The following EVC2 variants were observed in gnomAD, a reference collection of about 807,000 sequenced individuals.
EVC2 encodes limbin.
EVC2 carries 148 observed loss-of-function variants against 149.3 expected under a neutral mutation model. The observed-to-expected ratio is 0.99, with a 90% CI of 0.87 to 1.14. The LOEUF is 1.14. Among genes scored for constraint, EVC2 ranks in the 50% most tolerant of loss-of-function variants. EVC2 has a pLI of 0.00. For missense variants in EVC2, 1,854 were observed against 1,627.3 expected (o/e 1.14, Z -2.40); for synonymous variants, 776 against 649.9 (o/e 1.19, Z -2.95).
chr4:5,640,487 A>C lies in EVC2; in HGVS notation c.1470+27T>G. 5 of 1,612,630 alleles carry C rather than the reference A, an allele frequency of 3.1e-6. No individual in the cohort carries two copies. The highest frequency in any genetic ancestry group is 4.2e-6 in the Non-Finnish European group (5 of 1,178,726). On this transcript the variant is annotated intron_variant, in intron 10 of 21. Coordinates refer to ENST00000344408, the MANE Select transcript of EVC2 (RefSeq NM_147127.5). This position sits in a 1 kb window ranked among gnomAD's most constrained non-coding sequence, Gnocchi z 4.6. ...CAAATCCCTGAGAGAAAGGGAAGTG[A>C]ACGCCTTCCTTTCAGACCTGTCTTA...
intron 10 of EVC2, among the ~76,000 whole-genome samples, chr4:5,639,550 C>T (rs1717160714): frequency 6.6e-6 from 1 of 152,228 alleles, no homozygotes; most frequent in Non-Finnish European, 1.5e-5. Flanking sequence ...TACATTGCTT[C>T]TCCCACCCAC....
chr4:5,617,419 C>A (rs1000438324), intron 15 of EVC2, among the ~76,000 whole-genome samples: 4 of 152,282 alleles, frequency 2.6e-5, no homozygotes, highest in African/African-American at 9.6e-5. Flanking sequence ...TTAAGAGAAG[C>A]CCCGATGTTT....
intron 6 of EVC2, among the ~76,000 whole-genome samples, chr4:5,682,537 C>G (rs547732597): frequency 6.7e-6 from 1 of 150,348 alleles, no homozygotes; most frequent in African/African-American, 2.4e-5. Context: ...AAAGCAATAG[C>G]AATAGTAGTA....
chr4:5,609,874 G>A (rs1489969131), intron 16 of EVC2, among the ~76,000 whole-genome samples: 1 of 152,192 alleles, frequency 6.6e-6, no homozygotes, highest in Admixed American at 6.5e-5. Context: ...AGGAACCTGG[G>A]CGAAGTCACT....
chr4:5,665,866 C>T lies in EVC2; in HGVS notation c.871-217G>A, dbSNP rs1282280026. ...AGTGCATGACAAGCCTGTCAAAGAC[C>T]TGAGGCATGGTGATTTGCACACAAT... is the stretch of plus-strand genomic sequence containing the variant. On this transcript the variant is annotated intron_variant, in intron 7 of 21. Coordinates refer to ENST00000344408, the MANE Select transcript of EVC2 (RefSeq NM_147127.5). Among the ~76,000 whole-genome samples the T allele has an allele frequency of 4.6e-5, 7 of 152,226 alleles. No homozygotes were observed. In the East Asian group the frequency reaches 1.4e-3, roughly 29 times the overall value.
At chr4:5,591,384 G>A (rs1390407267) in intron 16 of EVC2, among the ~76,000 whole-genome samples, 1 of 152,164 alleles carries the variant, frequency 6.6e-6, no homozygotes, top group Non-Finnish European at 1.5e-5. Flanking sequence ...TGCTTCAGCT[G>A]ACAGAAGTCT....
chr4:5,573,623 G>T (rs79689100), intron 19 of EVC2, among the ~76,000 whole-genome samples: 2 of 152,202 alleles, frequency 1.3e-5, no homozygotes, highest in Non-Finnish European at 2.9e-5. Flanking sequence ...TGGAGAAACC[G>T]ATGTTGGATT....
Position 5,696,481 on chromosome 4 carries a change from CG to C in EVC2, c.283+1111del, listed in dbSNP as rs1204446889. On this transcript the variant is annotated intron_variant, in intron 2 of 21. Transcript: ENST00000344408. The surrounding 1 kb of genome is among the most constrained non-coding windows in gnomAD (Gnocchi z 4.1). The stretch of plus-strand genomic sequence containing the variant: ...CCCAGGGATAGGTTCAGGGACAGGC[CG>C]GGGACCCACGCTGAGCCCAGGGGCC... Among the ~76,000 whole-genome samples the C allele has an allele frequency of 6.6e-6, 1 of 152,156 alleles. No homozygotes were observed. The highest frequency in any genetic ancestry group is 1.5e-5 in the Non-Finnish European group (1 of 68,026).
At chr4:5,673,781 T>C (rs1234282982) in intron 7 of EVC2, among the ~76,000 whole-genome samples, 1 of 152,256 alleles carries the variant, frequency 6.6e-6, no homozygotes, top group Admixed American at 6.5e-5. Flanking sequence ...AAGAATTGTT[T>C]ACAGAGTTTG....
chr4:5,687,686 T>C (rs1720818930), intron 5 of EVC2, among the ~76,000 whole-genome samples: 1 of 152,114 alleles, frequency 6.6e-6, no homozygotes, highest in African/African-American at 2.4e-5. Context: ...GGTGCTTTCC[T>C]GACCCACACA....
At chr4:5,701,654 T>C (rs555717540) in intron 1 of EVC2, among the ~76,000 whole-genome samples, 2 of 152,308 alleles carry the variant, frequency 1.3e-5, no homozygotes, top group Middle Eastern at 6.8e-3. Flanking sequence ...ATACACTGAC[T>C]ATTCCCCCAT....
rs1470010006 is a variant in EVC2, at chr4:5,637,281, G to T, written c.1470+3233C>A. Reference sequence around the variant, plus strand: ...GGTTCACATGGGGCGCACAGCAGGGGGACGTAACCTCCACTGCAGGAGGGG... The same window carrying T: ...GGTTCACATGGGGCGCACAGCAGGGTGACGTAACCTCCACTGCAGGAGGGG... On this transcript the variant is annotated intron_variant, in intron 10 of 21. Coordinates refer to ENST00000344408, the MANE Select transcript of EVC2 (RefSeq NM_147127.5). This position sits in a 1 kb window ranked among gnomAD's most constrained non-coding sequence, Gnocchi z 4.4. Among the ~76,000 whole-genome samples, 4 of 152,210 alleles carry T rather than the reference G, an allele frequency of 2.6e-5. No individual in the cohort carries two copies. The highest frequency in any genetic ancestry group is 2.6e-4 in the Admixed American group (4 of 15,282).
Position 5,581,957 on chromosome 4 carries a change from A to G in EVC2, c.3057+2666T>C, listed in dbSNP as rs188715076. 9.7e-3 allele frequency among the ~76,000 whole-genome samples: 1,480 copies of G among 152,326 alleles called. 13 individuals are homozygous for G. The highest frequency in any genetic ancestry group is 0.043 in the South Asian group (205 of 4,822). On this transcript the variant is annotated intron_variant, in intron 17 of 21. Transcript: ENST00000344408. ...AGCTTCCATGTGGTGTTAAGCCTGC[A>G]GGTGCACAGAATGAAAGAGTTGGGT...
rs1434900133 is a variant in EVC2, at chr4:5,584,651, C to A, written c.3029G>T (p.Cys1010Phe). The stretch of plus-strand genomic sequence containing the variant: ...GCTGTGCGACTCCAGGATCTGTGTG[C>A]AGGCCGACTTGGTCAGCATCTCAGA... ...SASEMLTKSA[C>F]TQILESHSRE... The change falls in exon 17 of 22, where the codon TGC (cysteine) becomes TTC (phenylalanine). Residue 1010 changes from cysteine to phenylalanine, a missense_variant. Transcript: ENST00000344408. 1.2e-6 allele frequency: 2 copies of A among 1,613,612 alleles called. No homozygotes were observed. Among genetic ancestry groups the A allele is most frequent in the Non-Finnish European group, 1.7e-6 (2 of 1,179,852 alleles).
At chr4:5,552,030 C>T (rs6815343) in intron 21 of EVC2, among the ~76,000 whole-genome samples, 13,609 of 152,150 alleles carry the variant, frequency 0.089, 1,136 homozygotes, top group African/African-American at 0.21. Context: ...TCTTTATCAG[C>T]GGCGTGAAAA....
At chr4:5,577,251 G>A (rs1722988699) in intron 17 of EVC2, among the ~76,000 whole-genome samples, 1 of 152,228 alleles carries the variant, frequency 6.6e-6, no homozygotes, top group Non-Finnish European at 1.5e-5. Context: ...TGAAATTGCA[G>A]TCTTAACCAC....
rs903204552 is a variant in EVC2, at chr4:5,567,304, G to A, written c.3557+1140C>T. 3.3e-5 allele frequency among the ~76,000 whole-genome samples: 5 copies of A among 152,094 alleles called. No homozygotes were observed. The highest frequency in any genetic ancestry group is 7.4e-5 in the Non-Finnish European group (5 of 68,016). On this transcript the variant is annotated intron_variant, in intron 20 of 21. Transcript: ENST00000344408. The surrounding 1 kb of genome is among the most constrained non-coding windows in gnomAD (Gnocchi z 4.4). The stretch of plus-strand genomic sequence containing the variant: ...CTTCCCCACCCTCCCCCTCACCCTG[G>A]TCAGACTCTATTCACCCTCAGCAGC...
In EVC2 at chr4:5,696,654, G is replaced by C. The variant is rs1286176963; in HGVS notation, c.283+939C>G. 1.3e-5 allele frequency among the ~76,000 whole-genome samples: 2 copies of C among 152,200 alleles called. No homozygotes were observed. Among genetic ancestry groups the C allele is most frequent in the African/African-American group, 4.8e-5 (2 of 41,438 alleles). On this transcript the variant is annotated intron_variant, in intron 2 of 21. Transcript: ENST00000344408. The surrounding 1 kb of genome is among the most constrained non-coding windows in gnomAD (Gnocchi z 4.1). The stretch of plus-strand genomic sequence containing the variant: ...AAAGATGCTCACCAGAGGAAAGCAG[G>C]GCGGCTGAGAGGGAAGGAGAAAGGC...
intron 9 of EVC2, among the ~76,000 whole-genome samples, chr4:5,651,904 C>G (rs1718169213): frequency 6.6e-6 from 1 of 152,206 alleles, no homozygotes; most frequent in South Asian, 2.1e-4. Context: ...GTTGCACTGT[C>G]TTATCCATGA....
Sources: allele counts gnomAD v4.1 joint callset (sites outside exome capture counted in the v4.1 genomes callset), GRCh38; gene constraint gnomAD v4.1.1; non-coding constraint Gnocchi (gnomAD v3.1); transcripts MANE v1.5; gene names NCBI Gene and HGNC (gene_info 2026-07-23, HGNC 2026-07-21).